MTUS2: variants seen among roughly 807,000 people sequenced by gnomAD.
The protein encoded by MTUS2 is microtubule-associated tumor suppressor candidate 2.
In MTUS2, 40 loss-of-function variants were observed where a neutral mutation model predicts 114.1. The ratio of observed to expected loss-of-function variants is 0.35; its 90% confidence interval spans 0.27 to 0.46. MTUS2 has a LOEUF of 0.46. Among genes scored for constraint, MTUS2 ranks in the 20% least tolerant of loss-of-function variants. The pLI is 1.00. For missense variants in MTUS2, 1,679 were observed against 1,705.4 expected, an observed-to-expected ratio of 0.98 and a Z score of 0.27; for synonymous variants, 688 against 672.0, an observed-to-expected ratio of 1.02 and a Z score of -0.37.
At chr13:29,449,674 T>C (rs529707237) in intron 9 of MTUS2, among the ~76,000 whole-genome samples, 2 of 152,156 alleles carry the variant, frequency 1.3e-5, no homozygotes, top group South Asian at 4.2e-4. Flanking sequence ...GTTTTTTTTT[T>C]TCCAATTTTT....
intron 9 of MTUS2, among the ~76,000 whole-genome samples, chr13:29,447,328 T>A (rs4379923): frequency 1.3e-3 from 194 of 152,232 alleles, no homozygotes; most frequent in African/African-American, 4.4e-3. Flanking sequence ...CTCAGTTTTA[T>A]AGCAGTTGCA....
intron 5 of MTUS2, among the ~76,000 whole-genome samples, chr13:29,233,981 A>C (rs1319092153): frequency 6.6e-6 from 1 of 152,176 alleles, no homozygotes; most frequent in African/African-American, 2.4e-5. Context: ...ACGTAGGACT[A>C]AGCCTACATT....
chr13:29,083,679 CT>C (rs1889544832), intron 4 of MTUS2, among the ~76,000 whole-genome samples: 1 of 151,976 alleles, frequency 6.6e-6, no homozygotes, highest in African/African-American at 2.4e-5. Context: ...AAATTGAGTT[CT>C]TATATGAAGG....
chr13:29,047,515 T>C (rs1021592306), intron 4 of MTUS2, among the ~76,000 whole-genome samples: 9 of 150,222 alleles, frequency 6.0e-5, no homozygotes, highest in Non-Finnish European at 1.3e-4. Flanking sequence ...ATTTACTCTT[T>C]TTTTTTTTTT....
At chr13:28,919,334 C>T (rs1025430345) in intron 2 of MTUS2, among the ~76,000 whole-genome samples, 9 of 151,960 alleles carry the variant, frequency 5.9e-5, no homozygotes, top group Non-Finnish European at 1.2e-4. Flanking sequence ...ATATTTTTTG[C>T]CAGATATACT....
intron 6 of MTUS2, among the ~76,000 whole-genome samples, chr13:29,288,224 G>T (rs1032499984): frequency 6.6e-6 from 1 of 152,214 alleles, no homozygotes; most frequent in South Asian, 2.1e-4. Context: ...TATCCTTGTG[G>T]CTCTGGGAAT....
At chr13:29,211,130 G>A (rs906933333) in intron 5 of MTUS2, among the ~76,000 whole-genome samples, 2 of 152,130 alleles carry the variant, frequency 1.3e-5, no homozygotes, top group Admixed American at 6.5e-5. Context: ...GACTGTCCTC[G>A]GTGGGTGGGC....
rs1354545852 is a variant in MTUS2 at position 29,471,725 on chromosome 13, T to C, written c.3185-8425T>C. On this transcript the variant is annotated intron_variant, in intron 9 of 15. Transcript: ENST00000612955. ...AGAGGCTTCAGCTTATGCTCCAGCC[T>C]CTGCTCTGCAGGCCCAGCCCCCCCC... is the stretch of plus-strand genomic sequence containing the variant. Among the ~76,000 whole-genome samples the C allele has an allele frequency of 2.0e-5, 3 of 148,638 alleles. No homozygotes were observed. In the East Asian group the frequency reaches 5.9e-4, roughly 29 times the overall value.
At chr13:28,981,548 C>T (rs894762731) in intron 2 of MTUS2, among the ~76,000 whole-genome samples, 8 of 152,054 alleles carry the variant, frequency 5.3e-5, no homozygotes, top group Non-Finnish European at 1.2e-4. Flanking sequence ...CATTTCGCTG[C>T]ATGTAAATTA....
In MTUS2 at chr13:29,336,497, TG is replaced by T. The variant is rs543527808; in HGVS notation, c.2905+11787del. ...CTGCAGAACAGCAAAAATTGCTGCCTGTTCCTTCCTCTGGAAGCTTTGTCCC... is the reference window on the plus strand; with the variant it reads ...CTGCAGAACAGCAAAAATTGCTGCCTTTCCTTCCTCTGGAAGCTTTGTCCC... On this transcript the variant is annotated intron_variant, in intron 7 of 15. Coordinates refer to ENST00000612955, the MANE Select transcript of MTUS2 (RefSeq NM_001033602.4). 3.8e-3 allele frequency among the ~76,000 whole-genome samples: 577 copies of T among 152,318 alleles called. 1 individual carries two copies. Among genetic ancestry groups the T allele is most frequent in the Non-Finnish European group, 6.4e-3 (436 of 68,034 alleles).
At chr13:29,443,049 G>A (rs1206192294) in intron 9 of MTUS2, among the ~76,000 whole-genome samples, 2 of 152,108 alleles carry the variant, frequency 1.3e-5, no homozygotes, top group Non-Finnish European at 2.9e-5. Flanking sequence ...GAGTTTCTAG[G>A]GGGTTCCAAG....
rs1883146440 is a variant in MTUS2, at chr13:29,505,102, ATAC to A, written c.*1898_*1900del. ...CTCTTTGCTTTAGTGGCTCTGCATG[ATAC>A]TGTGATATTGAGTTGGGCATTCCAT... On this transcript the variant is annotated 3_prime_UTR_variant, in exon 16 of 16. Coordinates refer to ENST00000612955, the MANE Select transcript of MTUS2 (RefSeq NM_001033602.4). 1 of 232,188 alleles carries A rather than the reference ATAC, an allele frequency of 4.3e-6. No homozygotes were observed. 14.4% of individuals were successfully genotyped at this position (232,188 alleles called of 1,614,324 possible). A position where few individuals can be genotyped will look rare whatever the true frequency, so the allele number is the denominator to read the frequency against.
intron 2 of MTUS2, among the ~76,000 whole-genome samples, chr13:28,982,346 TAA>T (rs34479954): frequency 8.8e-5 from 13 of 147,198 alleles, no homozygotes; most frequent in African/African-American, 3.0e-4. Context: ...GGTTATTATT[TAA>T]AAAAAAAAAA....
chr13:29,168,912 G>GTGT (rs933421604), intron 5 of MTUS2, among the ~76,000 whole-genome samples: 3 of 151,908 alleles, frequency 2.0e-5, no homozygotes, highest in Admixed American at 6.6e-5. Context: ...GTGTGTGTGT[G>GTGT]TGTGTGAAGA....
chr13:29,066,548 A>G (rs1295427621), intron 4 of MTUS2, among the ~76,000 whole-genome samples: 6 of 152,200 alleles, frequency 3.9e-5, no homozygotes, highest in South Asian at 4.1e-4. Flanking sequence ...AATGAATGAC[A>G]TGGCTGTGTT....
intron 2 of MTUS2, among the ~76,000 whole-genome samples, chr13:28,901,936 T>C (rs2137962879): frequency 6.6e-6 from 1 of 152,316 alleles, no homozygotes; most frequent in South Asian, 2.1e-4. Flanking sequence ...AGTTTGAGAA[T>C]AATTGACATC....
intron 2 of MTUS2, among the ~76,000 whole-genome samples, chr13:28,927,214 A>G (rs934930679): frequency 4.6e-5 from 7 of 152,226 alleles, no homozygotes; most frequent in African/African-American, 1.4e-4. Context: ...ACTTGATTCA[A>G]TAAACACTTT....
intron 14 of MTUS2, 58 bp from the exon 15 acceptor site, chr13:29,501,039 G>T (rs1022993003): frequency 1.4e-6 from 2 of 1,413,442 alleles, no homozygotes; most frequent in Non-Finnish European, 1.0e-6. Flanking sequence ...TGAGGGCACC[G>T]GTTTACTCCC....
intron 2 of MTUS2, among the ~76,000 whole-genome samples, chr13:28,997,223 C>G (rs1471045340): frequency 7.9e-5 from 12 of 152,158 alleles, no homozygotes; most frequent in African/African-American, 2.9e-4. Flanking sequence ...GTTTCTTAAT[C>G]CTGAGTTCTA....
Sources: allele counts gnomAD v4.1 joint callset (sites outside exome capture counted in the v4.1 genomes callset), GRCh38; gene constraint gnomAD v4.1.1; transcripts MANE v1.5; gene names NCBI Gene and HGNC (gene_info 2026-07-23, HGNC 2026-07-21).